The following FIG4 variants were observed in gnomAD, a reference collection of about 807,000 sequenced individuals.
FIG4 encodes the protein FIG4 phosphoinositide 5-phosphatase.
A neutral mutation model predicts 118.6 loss-of-function variants in FIG4; 112 were observed. The observed-to-expected ratio is 0.94, with a 90% CI of 0.81 to 1.11. The LOEUF (loss-of-function observed/expected upper bound fraction) is 1.11. Ranked by LOEUF, FIG4 falls within the 50% of genes least tolerant of loss-of-function variation. The pLI is 0.00. For synonymous variants in FIG4, 369 were observed against 381.2 expected, an observed-to-expected ratio of 0.97 and a Z score of 0.37; for missense variants, 969 against 1,111.7, an observed-to-expected ratio of 0.87 and a Z score of 1.83.
intron 1 of FIG4, among the ~76,000 whole-genome samples, chr6:109,696,544 G>GTTTTT (rs1774726420): frequency 4.6e-5 from 7 of 152,180 alleles, no homozygotes; most frequent in African/African-American, 1.7e-4. Flanking sequence ...ACACACAATG[G>GTTTTT]AATACTATTC....
chr6:109,810,555 A>G (rs1778691842), intron 22 of FIG4, among the ~76,000 whole-genome samples: 1 of 152,226 alleles, frequency 6.6e-6, no homozygotes. Flanking sequence ...CGTGAAGGGT[A>G]CAAATCAGCA....
intron 18 of FIG4, 28 bp downstream of exon 18, chr6:109,786,477 A>C: frequency 6.2e-7 from 1 of 1,611,756 alleles, no homozygotes; most frequent in Non-Finnish European, 8.5e-7. Context: ...TGATACCATA[A>C]GTATTTGAGA....
intron 3 of FIG4, among the ~76,000 whole-genome samples, chr6:109,720,448 A>G (rs567599124): frequency 5.3e-5 from 8 of 152,232 alleles, no homozygotes; most frequent in African/African-American, 1.7e-4. Context: ...AATGTTTTGG[A>G]TTGTTGTCAT....
At position 109,721,366 on chromosome 6, in the gene FIG4, C is replaced by T. The variant is rs186843830; in HGVS notation, c.289+4798C>T. ...GCTGGAGTGCTGTTCTCAGTGGAGG[C>T]TTTCAAGATAATAGCTGGCTGGCAT... is the stretch of plus-strand genomic sequence containing the variant. On this transcript the variant is annotated intron_variant, in intron 3 of 22. Coordinates refer to ENST00000230124, the MANE Select transcript of FIG4 (RefSeq NM_014845.6). 2.0e-4 allele frequency among the ~76,000 whole-genome samples: 31 copies of T among 152,158 alleles called. No homozygotes were observed. In the East Asian group the frequency reaches 5.6e-3, roughly 28 times the overall value.
At chr6:109,786,174 A>G (rs2128396214) in intron 17 of FIG4, 128 bp from the exon 18 acceptor site, 2 of 735,224 alleles carry the variant, frequency 2.7e-6, no homozygotes, top group Middle Eastern at 3.7e-4. Flanking sequence ...GCAGGAGCTT[A>G]CCCTCGGTCA....
At chr6:109,726,375 G>T (rs942005147) in intron 3 of FIG4, among the ~76,000 whole-genome samples, 2 of 152,150 alleles carry the variant, frequency 1.3e-5, no homozygotes, top group Non-Finnish European at 2.9e-5. Flanking sequence ...CCCATTGCTT[G>T]TTTTTGTCAG....
At chr6:109,703,755 T>A (rs1349544377) in intron 1 of FIG4, among the ~76,000 whole-genome samples, 3 of 152,294 alleles carry the variant, frequency 2.0e-5, no homozygotes, top group African/African-American at 7.2e-5. Context: ...AGATGCTCTG[T>A]CCTTATCGAC....
At chr6:109,817,675 C>G (rs1019647944) in intron 22 of FIG4, among the ~76,000 whole-genome samples, 1 of 152,040 alleles carries the variant, frequency 6.6e-6, no homozygotes, top group East Asian at 1.9e-4. Flanking sequence ...CATATATGTG[C>G]GTATGGCAGA....
chr6:109,717,985 T>C (rs1365346415), intron 3 of FIG4, among the ~76,000 whole-genome samples: 1 of 152,206 alleles, frequency 6.6e-6, no homozygotes, highest in Non-Finnish European at 1.5e-5. Context: ...TACCTGAGAC[T>C]GGGTAATTTA....
chr6:109,783,023 A>G (rs1162890733), intron 16 of FIG4, among the ~76,000 whole-genome samples: 1 of 152,248 alleles, frequency 6.6e-6, no homozygotes, highest in Non-Finnish European at 1.5e-5. Flanking sequence ...ACAGAAAACT[A>G]AACACTGCGT....
At chr6:109,794,793 C>T (rs113164672) in intron 21 of FIG4, among the ~76,000 whole-genome samples, 1 of 152,204 alleles carries the variant, frequency 6.6e-6, no homozygotes, top group African/African-American at 2.4e-5. Flanking sequence ...CCTAGCCTGG[C>T]TTGCATGTAA....
chr6:109,816,412 T>G (rs1479614546), intron 22 of FIG4, among the ~76,000 whole-genome samples: 1 of 152,194 alleles, frequency 6.6e-6, no homozygotes, highest in Non-Finnish European at 1.5e-5. Flanking sequence ...CAGAGGAGCC[T>G]AAGGAGACGT....
intron 1 of FIG4, among the ~76,000 whole-genome samples, chr6:109,712,839 G>C (rs1032291982): frequency 5.9e-5 from 9 of 152,176 alleles, no homozygotes; most frequent in Non-Finnish European, 1.3e-4. Context: ...TTCTTGCACT[G>C]GTTCTTTCTC....
chr6:109,716,394 ATAATC>A, intron 2 of FIG4, 46 bp from the exon 3 acceptor site: 1 of 1,600,734 alleles, frequency 6.2e-7, no homozygotes, highest in Non-Finnish European at 8.5e-7. Flanking sequence ...CAAATAATAA[ATAATC>A]TAAAGTTTAA....
chr6:109,799,790 G>T (rs573490471), intron 22 of FIG4, among the ~76,000 whole-genome samples: 27 of 152,282 alleles, frequency 1.8e-4, no homozygotes, highest in South Asian at 4.1e-4. Context: ...TTTCAACCAC[G>T]GTCTTGCAGG....
At chr6:109,823,554 GC>G (rs1481658576) in intron 22 of FIG4, among the ~76,000 whole-genome samples, 1 of 152,174 alleles carries the variant, frequency 6.6e-6, no homozygotes, top group East Asian at 1.9e-4. Flanking sequence ...TGAAGATAGA[GC>G]CCTTTTGGGG....
At chr6:109,772,186 C>T (rs1777486939) in intron 15 of FIG4, among the ~76,000 whole-genome samples, 1 of 152,176 alleles carries the variant, frequency 6.6e-6, no homozygotes, top group African/African-American at 2.4e-5. Context: ...TGACCACTTC[C>T]TCTTTCTTAA....
At chr6:109,707,703 G>A (rs887192797) in intron 1 of FIG4, among the ~76,000 whole-genome samples, 1 of 151,566 alleles carries the variant, frequency 6.6e-6, no homozygotes, top group African/African-American at 2.4e-5. Flanking sequence ...CTTTAATATC[G>A]AAAGACTTGT....
At chr6:109,709,277 T>A (rs1332663433) in intron 1 of FIG4, among the ~76,000 whole-genome samples, 1 of 152,198 alleles carries the variant, frequency 6.6e-6, no homozygotes, top group Admixed American at 6.5e-5. Flanking sequence ...GTTGTAGATG[T>A]GTGGCCTTAT....
Sources: gnomAD v4.1 joint callset for allele counts (sites outside exome capture counted in the v4.1 genomes callset) on GRCh38, gnomAD v4.1.1 for gene constraint, MANE v1.5 for transcripts, NCBI Gene and HGNC (gene_info 2026-07-23, HGNC 2026-07-21) for gene names.